Variants in FGFR1OP2 observed in about 807,000 individuals in gnomAD.
FGFR1OP2 encodes fibroblast growth factor receptor 1 oncogene partner 2.
In FGFR1OP2, 17 loss-of-function variants were observed where a neutral mutation model predicts 35.2. That is an observed-to-expected ratio of 0.48 (90% CI 0.33 to 0.73). The LOEUF (loss-of-function observed/expected upper bound fraction) is 0.73, where lower values mean the gene tolerates loss of function less well. Ranked by LOEUF, FGFR1OP2 falls within the 30% of genes least tolerant of loss-of-function variation. The pLI, the probability that FGFR1OP2 is intolerant of heterozygous loss-of-function variation, is 0.02. For missense variants in FGFR1OP2, 251 were observed against 307.3 expected, an observed-to-expected ratio of 0.82 and a Z score of 1.37; for synonymous variants, 105 against 104.6, an observed-to-expected ratio of 1.00 and a Z score of -0.03.
intron 3 of FGFR1OP2, 74 bp downstream of exon 3, chr12:26,956,734 C>A: frequency 1.3e-6 from 1 of 767,212 alleles, no homozygotes; most frequent in Non-Finnish European, 2.0e-6. Context: ...TGCTCTTTAT[C>A]CTGTCCCACA....
At chr12:26,951,748 A>G (rs1432212573) in intron 1 of FGFR1OP2, among the ~76,000 whole-genome samples, 2 of 152,198 alleles carry the variant, frequency 1.3e-5, no homozygotes, top group African/African-American at 2.4e-5. Flanking sequence ...ACTGAGGGCT[A>G]TTTAGCTATC....
chr12:26,959,219 A>G (rs1047705072), intron 4 of FGFR1OP2, among the ~76,000 whole-genome samples: 4 of 152,080 alleles, frequency 2.6e-5, no homozygotes, highest in African/African-American at 9.7e-5. Context: ...TAATTATGCT[A>G]TTCATCTCCT....
chr12:26,949,615 G>A (rs1565848196), intron 1 of FGFR1OP2, among the ~76,000 whole-genome samples: 1 of 151,912 alleles, frequency 6.6e-6, no homozygotes, highest in Non-Finnish European at 1.5e-5. Flanking sequence ...TTTTGCTCTT[G>A]TTGCCCAGGC....
Position 26,960,529 on chromosome 12 carries a change from T to C in FGFR1OP2, c.411T>C (p.His137=), listed in dbSNP as rs749153167. 3 of 1,612,570 alleles carry C rather than the reference T, an allele frequency of 1.9e-6. No homozygotes were observed. The East Asian group carries it at 6.7e-5, about 36-fold the overall frequency. The change falls in exon 5 of 7, where the codon CAT becomes CAC. Residue 137 remains histidine, a synonymous_variant. Coordinates refer to ENST00000229395, the MANE Select transcript of FGFR1OP2 (RefSeq NM_015633.3). ...KEQHSKIDMV[H]RNKSEGFFLD... is the part of the protein sequence containing the mutation. ...CTATACTACAGATTGACATGGTACATCGTAACAAGTCCGAAGGATTCTTCC... is the reference window on the plus strand; with the variant it reads ...CTATACTACAGATTGACATGGTACACCGTAACAAGTCCGAAGGATTCTTCC...
At chr12:26,955,578 AT>A (rs1452396541) in intron 2 of FGFR1OP2, among the ~76,000 whole-genome samples, 1 of 152,234 alleles carries the variant, frequency 6.6e-6, no homozygotes, top group Non-Finnish European at 1.5e-5. Context: ...ATGATAAAAT[AT>A]GCGGCTTTTT....
intron 1 of FGFR1OP2, among the ~76,000 whole-genome samples, chr12:26,943,526 A>G (rs1029869288): frequency 1.3e-5 from 2 of 152,156 alleles, no homozygotes; most frequent in African/African-American, 4.8e-5. Context: ...CAACAGTTAC[A>G]GAAAACTTGA....
At chr12:26,955,977 G>A (rs1414110675) in intron 2 of FGFR1OP2, among the ~76,000 whole-genome samples, 5 of 152,102 alleles carry the variant, frequency 3.3e-5, no homozygotes, top group East Asian at 1.9e-4. Flanking sequence ...CTTTGATTGC[G>A]GCCCAGCACA....
intron 1 of FGFR1OP2, among the ~76,000 whole-genome samples, chr12:26,950,082 G>A (rs1416581518): frequency 6.6e-6 from 1 of 151,952 alleles, no homozygotes; most frequent in African/African-American, 2.4e-5. Context: ...AGGACATTTA[G>A]TCAAAGCATC....
chr12:26,953,268 CAAAAAAA>C (rs10714749), intron 1 of FGFR1OP2, among the ~76,000 whole-genome samples: 12 of 78,314 alleles, frequency 1.5e-4, no homozygotes, highest in African/African-American at 5.6e-4. Context: ...ACTGTGTCTC[CAAAAAAA>C]AAAAAAAAAA....
At chr12:26,943,785 G>A (rs1224103757) in intron 1 of FGFR1OP2, among the ~76,000 whole-genome samples, 2 of 152,084 alleles carry the variant, frequency 1.3e-5, no homozygotes, top group Non-Finnish European at 2.9e-5. Flanking sequence ...AGATCGTACC[G>A]CTGCACTCCA....
In FGFR1OP2 at chr12:26,966,192, G is replaced by C. The variant is rs1363203241; in HGVS notation, c.*1459G>C. 6.6e-6 allele frequency: 1 copy of C among 151,994 alleles called. No homozygotes were observed. Among genetic ancestry groups the C allele is most frequent in the African/African-American group, 2.4e-5 (1 of 41,420 alleles). The allele number at this position is 151,994 out of a possible 1,614,324, so 9.4% of individuals were successfully genotyped here. A position where few individuals can be genotyped will look rare whatever the true frequency, so the allele number is the denominator to read the frequency against. On this transcript the variant is annotated 3_prime_UTR_variant, in exon 7 of 7. Transcript: ENST00000229395. ...GGGCTAATGGCCCAAACATTATATA[G>C]ATTTCTTTTTTTCAGTCAGAGGCCT...
At chr12:26,942,656 G>C (rs1938755537) in intron 1 of FGFR1OP2, among the ~76,000 whole-genome samples, 2 of 152,196 alleles carry the variant, frequency 1.3e-5, no homozygotes, top group South Asian at 2.1e-4. Context: ...GAAATAGATA[G>C]TCATTTTAAG....
chr12:26,952,675 C>CTTTTT lies in FGFR1OP2; in HGVS notation c.-14-1459_-14-1455dup, dbSNP rs763886345. ...TAAATTTTCTCTTTGCTACTTGTTGCTTTTTTTTTTTTTTTGTATTGGAGG... is the reference window on the plus strand; with the variant it reads ...TAAATTTTCTCTTTGCTACTTGTTGCTTTTTTTTTTTTTTTTTTTTGTATTGGAGG... On this transcript the variant is annotated intron_variant, in intron 1 of 6. Transcript: ENST00000229395. Among the ~76,000 whole-genome samples, 43 of 132,538 alleles carry CTTTTT rather than the reference C, an allele frequency of 3.2e-4. 1 individual carries two copies. The highest frequency in any genetic ancestry group is 1.1e-3 in the African/African-American group (38 of 35,944). The allele number at this position is 132,538 out of a possible 152,430, so 87.0% of individuals were successfully genotyped here.
At chr12:26,959,371 A>G (rs1939070427) in intron 4 of FGFR1OP2, among the ~76,000 whole-genome samples, 1 of 152,136 alleles carries the variant, frequency 6.6e-6, no homozygotes, top group Non-Finnish European at 1.5e-5. Context: ...AAAGGCACTA[A>G]AAGGAGTTGA....
chr12:26,939,158 G>T (rs1938656597), intron 1 of FGFR1OP2, among the ~76,000 whole-genome samples: 1 of 152,048 alleles, frequency 6.6e-6, no homozygotes, highest in South Asian at 2.1e-4. Context: ...AATGGTTCCA[G>T]TATCTGTCCT....
chr12:26,956,479 C>CATATATATATATATATATATATATCATAT, intron 2 of FGFR1OP2, 64 bp from the exon 3 acceptor site: 2 of 234,234 alleles, frequency 8.5e-6, no homozygotes, highest in East Asian at 2.5e-4. Flanking sequence ...ATTTATATAT[C>CATATATATATATATATATATATATCATAT]ATATATATAT....
At chr12:26,946,490 T>G (rs1351678704) in intron 1 of FGFR1OP2, among the ~76,000 whole-genome samples, 1 of 152,160 alleles carries the variant, frequency 6.6e-6, no homozygotes, top group South Asian at 2.1e-4. Context: ...TTTTGTATTT[T>G]TAGTAGAGGT....
At position 26,965,684 on chromosome 12, in the gene FGFR1OP2, T is replaced by G. The variant is rs1293130240; in HGVS notation, c.*951T>G. ...TACAAAAAAAAAAAGTAAATACAAT[T>G]TCAAAAAAAAAGTTCCGGATCTGTT... On this transcript the variant is annotated 3_prime_UTR_variant, in exon 7 of 7. Transcript: ENST00000229395. 6.6e-6 allele frequency: 1 copy of G among 151,978 alleles called. No individual in the cohort carries two copies. Among genetic ancestry groups the G allele is most frequent in the Admixed American group, 6.6e-5 (1 of 15,220 alleles). The allele number at this position is 151,978 out of a possible 1,614,324, so 9.4% of individuals were successfully genotyped here. A position where few individuals can be genotyped will look rare whatever the true frequency, so the allele number is the denominator to read the frequency against.
intron 1 of FGFR1OP2, among the ~76,000 whole-genome samples, 167 bp from the exon 2 acceptor site, chr12:26,953,978 A>G (rs1938979241): frequency 6.6e-6 from 1 of 152,200 alleles, no homozygotes; most frequent in Admixed American, 6.5e-5. Context: ...AGTTTGTAGT[A>G]TCCTAACAGA....
Sources: gnomAD v4.1 joint callset for allele counts (sites outside exome capture counted in the v4.1 genomes callset) on GRCh38, gnomAD v4.1.1 for gene constraint, MANE v1.5 for transcripts, NCBI Gene and HGNC (gene_info 2026-07-23, HGNC 2026-07-21) for gene names.